Variants in FRY observed in about 807,000 individuals in gnomAD.
FRY encodes protein furry homolog.
A neutral mutation model predicts 348.4 loss-of-function variants in FRY; 128 were observed. The ratio of observed to expected loss-of-function variants is 0.37; its 90% CI spans 0.32 to 0.43. FRY has a LOEUF of 0.43. FRY is among the 20% of genes least tolerant of loss of function. The probability of loss-of-function intolerance (pLI) is 1.00; values close to 1 mark genes in which losing one functional copy is unlikely to be tolerated. For synonymous variants in FRY, 1,370 were observed against 1,374.7 expected, an observed-to-expected ratio of 1.00 and a Z score of 0.08; for missense variants, 2,736 against 3,695.2, an observed-to-expected ratio of 0.74 and a Z score of 6.73.
At chr13:32,146,180 CATT>C (rs1411591332) in intron 11 of FRY, among the ~76,000 whole-genome samples, 9 of 58,954 alleles carry the variant, frequency 1.5e-4, no homozygotes, top group Admixed American at 7.3e-4. Flanking sequence ...TCCCTCCCAC[CATT>C]TTTTTTTTTT....
intron 31 of FRY, among the ~76,000 whole-genome samples, 186 bp downstream of exon 31, chr13:32,202,713 G>A (rs1192689163): frequency 1.3e-5 from 2 of 152,110 alleles, no homozygotes; most frequent in African/African-American, 4.8e-5. Flanking sequence ...CACTTTGGGA[G>A]GCCAAGGCAG....
intron 1 of FRY, among the ~76,000 whole-genome samples, chr13:32,068,463 A>G (rs1874397090): frequency 6.6e-6 from 1 of 152,224 alleles, no homozygotes; most frequent in Non-Finnish European, 1.5e-5. Context: ...GGATCTTGGC[A>G]GACATTCTTT....
intron 3 of FRY, among the ~76,000 whole-genome samples, chr13:32,117,117 C>G (rs1445030176): frequency 6.6e-6 from 1 of 152,172 alleles, no homozygotes; most frequent in Non-Finnish European, 1.5e-5. Flanking sequence ...AAGTAATTAA[C>G]TTTCTTGAAC....
chr13:32,103,091 C>T (rs1877272744), intron 3 of FRY, among the ~76,000 whole-genome samples: 1 of 152,228 alleles, frequency 6.6e-6, no homozygotes, highest in African/African-American at 2.4e-5. Flanking sequence ...ATGAGCTGTT[C>T]TGTGAAGGAG....
chr13:32,045,367 C>A (rs921137701), intron 1 of FRY, among the ~76,000 whole-genome samples: 3 of 152,188 alleles, frequency 2.0e-5, no homozygotes, highest in Non-Finnish European at 4.4e-5. Context: ...CATCACCTCC[C>A]ATCTGGAGCA....
intron 28 of FRY, among the ~76,000 whole-genome samples, chr13:32,192,681 A>G (rs899876695): frequency 4.0e-5 from 6 of 150,562 alleles, no homozygotes; most frequent in African/African-American, 1.5e-4. Flanking sequence ...TGCCTTTTCC[A>G]CCTGGTTTCA....
chr13:32,101,693 T>C lies in FRY; in HGVS notation c.271-270T>C, dbSNP rs547248896. Among the ~76,000 whole-genome samples, 49 of 152,320 alleles carry C rather than the reference T, an allele frequency of 3.2e-4. 1 individual carries two copies. The South Asian group carries it at 1.0e-2, about 31-fold the overall frequency. ...GGTATGAGGTGATATCTCATTGTAG[T>C]TTTGAGTTTCCCTAAGTATCAGATT... On this transcript the variant is annotated intron_variant, in intron 2 of 60. Coordinates refer to ENST00000542859, the MANE Select transcript of FRY (RefSeq NM_023037.3).
intron 39 of FRY, among the ~76,000 whole-genome samples, chr13:32,226,788 G>T (rs1185272212): frequency 2.0e-5 from 3 of 152,066 alleles, no homozygotes; most frequent in Non-Finnish European, 4.4e-5. Context: ...CACTGTATTG[G>T]CTTCTAACAG....
In FRY at chr13:32,244,246, A is replaced by T. The variant is rs897443022; in HGVS notation, c.6828+64A>T. On this transcript the variant is annotated intron_variant, in intron 47 of 60. Transcript: ENST00000542859. ...CTAAAAAGATGGAGGCTTTTCCTGT[A>T]GCTTGGCTACAAAACCATCTGGGTG... is the stretch of plus-strand genomic sequence containing the variant. The T allele has an allele frequency of 4.7e-6, 7 of 1,478,274 alleles. No individual in the cohort carries two copies. The African/African-American group carries it at 9.7e-5, about 20-fold the overall frequency. The allele number at this position is 1,478,274 out of a possible 1,614,324, so 91.6% of individuals were successfully genotyped here.
At chr13:32,216,715 A>T (rs1355774272) in intron 35 of FRY, among the ~76,000 whole-genome samples, 4 of 152,234 alleles carry the variant, frequency 2.6e-5, no homozygotes, top group Non-Finnish European at 1.5e-5. Context: ...ACTTCTTCAG[A>T]AGGTAATAAG....
intron 1 of FRY, among the ~76,000 whole-genome samples, chr13:32,033,523 A>G (rs182865678): frequency 5.4e-4 from 83 of 152,352 alleles, no homozygotes; most frequent in Non-Finnish European, 8.7e-4. Flanking sequence ...TAGATAAAGT[A>G]TATATTCTCT....
chr13:32,080,999 G>A (rs1875450252), intron 2 of FRY, among the ~76,000 whole-genome samples: 1 of 152,170 alleles, frequency 6.6e-6, no homozygotes, highest in African/African-American at 2.4e-5. Flanking sequence ...AATTTGTGAA[G>A]TAAAATAGTT....
chr13:32,198,735 C>G (rs1883834266), intron 29 of FRY, among the ~76,000 whole-genome samples: 1 of 152,232 alleles, frequency 6.6e-6, no homozygotes. Context: ...TCATCATCAT[C>G]ACCACCATCA....
chr13:32,218,855 T>A, intron 36 of FRY, 24 bp downstream of exon 36: 1 of 1,371,252 alleles, frequency 7.3e-7, no homozygotes, highest in Non-Finnish European at 1.0e-6. Context: ...GGCTGTGGGC[T>A]TTCAGACGGA....
intron 4 of FRY, among the ~76,000 whole-genome samples, chr13:32,123,309 A>C (rs998112669): frequency 4.6e-5 from 7 of 152,232 alleles, no homozygotes; most frequent in African/African-American, 1.7e-4. Context: ...GGCCATAGTC[A>C]CCACAACCAC....
At chr13:32,085,398 A>G (rs17691082) in intron 2 of FRY, among the ~76,000 whole-genome samples, 4,023 of 152,334 alleles carry the variant, frequency 0.026, 61 homozygotes, top group Middle Eastern at 0.068. Context: ...GCTGCTATCA[A>G]TTTTGACTTT....
At chr13:32,085,946 A>G (rs749811966) in intron 2 of FRY, 1 of 519,018 alleles carries the variant, frequency 1.9e-6, no homozygotes, top group East Asian at 5.4e-5. Context: ...CAAAGTACTT[A>G]AGAGAAGACA....
At chr13:32,085,626 T>C (rs1875804449) in intron 2 of FRY, among the ~76,000 whole-genome samples, 1 of 152,256 alleles carries the variant, frequency 6.6e-6, no homozygotes, top group South Asian at 2.1e-4. Flanking sequence ...CCTGATACAC[T>C]CCTGAGCATG....
intron 1 of FRY, among the ~76,000 whole-genome samples, chr13:32,061,376 C>A (rs916858793): frequency 6.6e-6 from 1 of 152,102 alleles, no homozygotes; most frequent in African/African-American, 2.4e-5. Flanking sequence ...GCAAGATGTC[C>A]TTTTTGTATA....
Sources: allele counts gnomAD v4.1 joint callset (sites outside exome capture counted in the v4.1 genomes callset), GRCh38; gene constraint gnomAD v4.1.1; transcripts MANE v1.5; gene names NCBI Gene and HGNC (gene_info 2026-07-23, HGNC 2026-07-21).